Variants in RSF1 observed in about 807,000 individuals in gnomAD.
The protein encoded by RSF1 is remodeling and spacing factor 1.
A neutral mutation model predicts 145.2 loss-of-function variants in RSF1; 13 were observed. The observed-to-expected ratio is 0.09, with a 90% CI of 0.06 to 0.14. RSF1 has a LOEUF of 0.14. Among genes scored for constraint, RSF1 ranks in the 10% least tolerant of loss-of-function variants. RSF1 has a pLI of 1.00. For missense variants in RSF1, 1,517 were observed against 1,718.2 expected (o/e 0.88, Z 2.07); for synonymous variants, 577 against 592.6 (o/e 0.97, Z 0.38).
At chr11:77,734,678 C>T (rs2135900628) in intron 4 of RSF1, 6 of 1,395,830 alleles carry the variant, frequency 4.3e-6, no homozygotes, top group East Asian at 2.3e-5. Context: ...TTGTGCAGTT[C>T]CAGTAGTGAC....
intron 1 of RSF1, among the ~76,000 whole-genome samples, chr11:77,808,237 G>A (rs1347680685): frequency 1.3e-5 from 2 of 151,986 alleles, no homozygotes; most frequent in African/African-American, 4.8e-5. Context: ...AGGAGGCTGA[G>A]GCAGGAGAAT....
At chr11:77,853,014 T>A in the RSF1 span, among the ~76,000 whole-genome samples, 1 of 152,198 alleles carries the variant, frequency 6.6e-6, no homozygotes, top group African/African-American at 2.4e-5. Context: ...CATGTACATT[T>A]TTTTTTGTAT....
chr11:77,694,195 T>C (rs1042771451), intron 7 of RSF1, among the ~76,000 whole-genome samples: 1 of 152,208 alleles, frequency 6.6e-6, no homozygotes, highest in Non-Finnish European at 1.5e-5. Context: ...TATATAGTCA[T>C]AAAGGCTATA....
chr11:77,747,167 T>A (rs1948010412), intron 2 of RSF1, 39 bp from the exon 3 acceptor site: 2 of 1,253,956 alleles, frequency 1.6e-6, no homozygotes, highest in Non-Finnish European at 2.3e-6. Context: ...ATGAAAGCAA[T>A]TTTTATTTAT....
chr11:77,830,625 C>T, the RSF1 span, among the ~76,000 whole-genome samples: 18 of 152,152 alleles, frequency 1.2e-4, no homozygotes, highest in African/African-American at 4.1e-4. Flanking sequence ...CTTTTATTCC[C>T]GCGTTTGCCC....
At chr11:77,778,598 C>A (rs1447512871) in intron 1 of RSF1, among the ~76,000 whole-genome samples, 4 of 152,156 alleles carry the variant, frequency 2.6e-5, no homozygotes, top group Non-Finnish European at 5.9e-5. Context: ...CTTCCTACCT[C>A]AGCCTACCAA....
chr11:77,706,272 A>G (rs562439317), intron 5 of RSF1, among the ~76,000 whole-genome samples: 2 of 151,982 alleles, frequency 1.3e-5, no homozygotes, highest in African/African-American at 4.8e-5. Flanking sequence ...TAAGACTCTC[A>G]AAGAGTCAGA....
chr11:77,859,642 C>T, the RSF1 span, among the ~76,000 whole-genome samples: 324 of 152,294 alleles, frequency 2.1e-3, 4 homozygotes, highest in African/African-American at 6.7e-3. Context: ...AGGCATACCC[C>T]GCATTTTGAA....
chr11:77,676,341 T>C (rs1959701587), intron 13 of RSF1, among the ~76,000 whole-genome samples: 1 of 152,054 alleles, frequency 6.6e-6, no homozygotes, highest in Admixed American at 6.6e-5. Context: ...AAGGAGAAAC[T>C]CTGCAGTATT....
At chr11:77,721,051 A>T (rs1425745130) in intron 5 of RSF1, among the ~76,000 whole-genome samples, 1 of 152,224 alleles carries the variant, frequency 6.6e-6, no homozygotes, top group Non-Finnish European at 1.5e-5. Flanking sequence ...CTGAGTTAAG[A>T]TACAAGGCAT....
chr11:77,854,152 A>C, the RSF1 span, among the ~76,000 whole-genome samples: 4 of 151,678 alleles, frequency 2.6e-5, no homozygotes, highest in Admixed American at 2.0e-4. Context: ...CACCACACCC[A>C]GCTAATTTTT....
chr11:77,738,210 G>A (rs184402516), intron 4 of RSF1, among the ~76,000 whole-genome samples: 1 of 152,332 alleles, frequency 6.6e-6, no homozygotes, highest in East Asian at 1.9e-4. Flanking sequence ...ATGTATTACA[G>A]TGTCAGTACC....
At position 77,753,610 on chromosome 11, in the gene RSF1, A is replaced by ATCAT. The variant is rs532490289; in HGVS notation, c.280-6486_280-6483dup. On this transcript the variant is annotated intron_variant, in intron 2 of 15. Transcript: ENST00000308488. Reference sequence around the variant, plus strand: ...TGTGATTTTTAAAAGCACATCAGCTATCATTCATGTTAGTGTATTTTATGT... The same window carrying ATCAT: ...TGTGATTTTTAAAAGCACATCAGCTATCATTCATTCATGTTAGTGTATTTTATGT... Among the ~76,000 whole-genome samples, 333 of 152,320 alleles carry ATCAT rather than the reference A, an allele frequency of 2.2e-3. 2 individuals carry two copies. The highest frequency in any genetic ancestry group is 3.5e-3 in the Non-Finnish European group (238 of 68,026).
At chr11:77,834,441 G>GTTTTTTTTTTTTTT in the RSF1 span, among the ~76,000 whole-genome samples, 2 of 105,548 alleles carry the variant, frequency 1.9e-5, no homozygotes, top group Non-Finnish European at 3.7e-5. Context: ...AGTTGATTTT[G>GTTTTTTTTTTTTTT]TTTTTTTTTT....
intron 1 of RSF1, among the ~76,000 whole-genome samples, chr11:77,814,821 A>G (rs1175665508): frequency 2.0e-5 from 3 of 152,140 alleles, no homozygotes; most frequent in Non-Finnish European, 4.4e-5. Flanking sequence ...CCAGTTTAAT[A>G]CTGTTTAAGT....
chr11:77,723,777 A>G (rs1158565060), intron 5 of RSF1, among the ~76,000 whole-genome samples: 2 of 152,240 alleles, frequency 1.3e-5, no homozygotes, highest in African/African-American at 4.8e-5. Context: ...TTAGGTTCTA[A>G]TCAAAACTAG....
intron 1 of RSF1, among the ~76,000 whole-genome samples, chr11:77,789,879 G>A (rs552068770): frequency 7.2e-5 from 11 of 152,284 alleles, no homozygotes; most frequent in East Asian, 5.8e-4. Flanking sequence ...ACCTCCCAGC[G>A]GCCTGAGGTT....
chr11:77,689,006 A>G (rs1960081593), intron 9 of RSF1, among the ~76,000 whole-genome samples: 1 of 152,240 alleles, frequency 6.6e-6, no homozygotes, highest in Admixed American at 6.5e-5. Context: ...AAGGCAAGCT[A>G]AATTTGGAGG....
Position 77,739,830 on chromosome 11 carries a change from T to G in RSF1, c.578+901A>C, listed in dbSNP as rs1173232334. Among the ~76,000 whole-genome samples the G allele has an allele frequency of 2.6e-5, 4 of 152,182 alleles. No homozygotes were observed. In the East Asian group the frequency reaches 7.7e-4, roughly 29 times the overall value. ...AGACACAAAGATTCTGTAATAACGG[T>G]TCTAGTATTACTCATAGGGTTTAGG... On this transcript the variant is annotated intron_variant, in intron 4 of 15. Coordinates refer to ENST00000308488, the MANE Select transcript of RSF1 (RefSeq NM_016578.4).
Sources: allele counts gnomAD v4.1 joint callset (sites outside exome capture counted in the v4.1 genomes callset), GRCh38; gene constraint gnomAD v4.1.1; transcripts MANE v1.5; gene names NCBI Gene and HGNC (gene_info 2026-07-23, HGNC 2026-07-21).